Variants in ST6GALNAC5 observed in about 807,000 individuals in gnomAD.
The protein encoded by ST6GALNAC5 is alpha-N-acetylgalactosaminide alpha-2,6-sialyltransferase 5.
A neutral mutation model predicts 33.6 loss-of-function variants in ST6GALNAC5; 27 were observed. The observed-to-expected ratio is 0.80, with a 90% confidence interval of 0.59 to 1.11. The LOEUF is 1.11. ST6GALNAC5 is among the 50% of genes least tolerant of loss of function. The pLI, the probability that ST6GALNAC5 is intolerant of heterozygous loss-of-function variation, is 0.00. For missense variants in ST6GALNAC5, 428 were observed against 454.0 expected (o/e 0.94, Z 0.52); for synonymous variants, 194 against 171.2 (o/e 1.13, Z -1.04).
At chr1:77,054,941 C>A (rs80331024) in intron 4 of ST6GALNAC5, among the ~76,000 whole-genome samples, 5,335 of 152,202 alleles carry the variant, frequency 0.035, 130 homozygotes, top group African/African-American at 0.067. Context: ...TGGCAGATGA[C>A]AGACATATCT....
At chr1:76,887,869 CTAAGA>C (rs1194032219) in intron 2 of ST6GALNAC5, among the ~76,000 whole-genome samples, 1 of 151,930 alleles carries the variant, frequency 6.6e-6, no homozygotes, top group African/African-American at 2.4e-5. Flanking sequence ...TTTTTTCCTC[CTAAGA>C]TTTTTTTTCA....
At chr1:77,024,660 G>C (rs1451574895) in intron 2 of ST6GALNAC5, among the ~76,000 whole-genome samples, 1 of 152,198 alleles carries the variant, frequency 6.6e-6, no homozygotes, top group Non-Finnish European at 1.5e-5. Context: ...GATTTCGCAA[G>C]GGACTTTGAT....
At chr1:76,946,439 A>G (rs556732103) in intron 2 of ST6GALNAC5, among the ~76,000 whole-genome samples, 5 of 152,324 alleles carry the variant, frequency 3.3e-5, no homozygotes, top group Non-Finnish European at 5.9e-5. Flanking sequence ...CCCAATCTGC[A>G]TAATAAGGCT....
chr1:76,951,580 C>A (rs1247821440), intron 2 of ST6GALNAC5, among the ~76,000 whole-genome samples: 1 of 151,868 alleles, frequency 6.6e-6, no homozygotes, highest in Non-Finnish European at 1.5e-5. Flanking sequence ...CACGTGTATA[C>A]CTATGTAACA....
chr1:76,994,174 AT>A (rs1649840147), intron 2 of ST6GALNAC5, among the ~76,000 whole-genome samples: 1 of 152,240 alleles, frequency 6.6e-6, no homozygotes, highest in Admixed American at 6.5e-5. Context: ...GTGATTTAGT[AT>A]TGTCATCTAT....
chr1:76,909,980 T>G (rs1361803038), intron 2 of ST6GALNAC5, among the ~76,000 whole-genome samples: 1 of 152,032 alleles, frequency 6.6e-6, no homozygotes, highest in African/African-American at 2.4e-5. Flanking sequence ...GGTTCTGTAG[T>G]CATAATATGC....
chr1:77,060,639 A>G (rs1652544759), intron 4 of ST6GALNAC5, among the ~76,000 whole-genome samples: 1 of 152,162 alleles, frequency 6.6e-6, no homozygotes, highest in African/African-American at 2.4e-5. Flanking sequence ...AAATCACAGT[A>G]ACCAAATATG....
At chr1:76,923,645 A>T (rs1647056693) in intron 2 of ST6GALNAC5, among the ~76,000 whole-genome samples, 1 of 152,050 alleles carries the variant, frequency 6.6e-6, no homozygotes, top group South Asian at 2.1e-4. Context: ...GTGAGCTGAG[A>T]TTACACCGCT....
At chr1:76,980,645 C>T (rs1456433545) in intron 2 of ST6GALNAC5, among the ~76,000 whole-genome samples, 1 of 152,064 alleles carries the variant, frequency 6.6e-6, no homozygotes, top group Non-Finnish European at 1.5e-5. Context: ...TCAACAAATG[C>T]TACCTGGACA....
chr1:76,904,001 A>G (rs1646841383), intron 2 of ST6GALNAC5, among the ~76,000 whole-genome samples: 1 of 152,214 alleles, frequency 6.6e-6, no homozygotes, highest in Non-Finnish European at 1.5e-5. Flanking sequence ...TGAGTAAATT[A>G]AAACCATCCA....
At chr1:77,049,714 T>C (rs551079415) in intron 3 of ST6GALNAC5, among the ~76,000 whole-genome samples, 28 of 152,342 alleles carry the variant, frequency 1.8e-4, no homozygotes, top group Non-Finnish European at 3.5e-4. Context: ...GAGTGTACCC[T>C]TCTTACGGAA....
intron 2 of ST6GALNAC5, among the ~76,000 whole-genome samples, chr1:77,015,666 G>C (rs1378442544): frequency 6.6e-6 from 1 of 152,126 alleles, no homozygotes; most frequent in Non-Finnish European, 1.5e-5. Context: ...TGGGGGTTCA[G>C]AGGAGGGGCA....
In ST6GALNAC5 at chr1:77,044,495, G is replaced by C; in HGVS notation, c.553G>C (p.Val185Leu). The stretch of plus-strand genomic sequence containing the variant: ...CATGCGGCGGGACGGCAAGGGCCAG[G>C]TCTACAACAACCTGCATCTCCTGAG... ...SYMRRDGKGQ[V>L]YNNLHLLSQV... Residue 185 changes from valine to leucine, a missense_variant, in exon 3 of 5, where the codon GTC (valine) becomes CTC (leucine). Transcript: ENST00000477717. The C allele has an allele frequency of 6.2e-7, 1 of 1,613,324 alleles. No homozygotes were observed. The highest frequency in any genetic ancestry group is 8.5e-7 in the Non-Finnish European group (1 of 1,179,730).
intron 2 of ST6GALNAC5, among the ~76,000 whole-genome samples, chr1:76,934,674 A>T (rs927759978): frequency 6.6e-6 from 1 of 152,010 alleles, no homozygotes; most frequent in Non-Finnish European, 1.5e-5. Context: ...CCTGCATGCT[A>T]AAACCTGCCG....
At chr1:76,899,093 A>G (rs769578720) in intron 2 of ST6GALNAC5, among the ~76,000 whole-genome samples, 34 of 152,204 alleles carry the variant, frequency 2.2e-4, no homozygotes, top group Non-Finnish European at 5.9e-5. Context: ...GGAAAAATTG[A>G]AAGTGCCATT....
intron 2 of ST6GALNAC5, among the ~76,000 whole-genome samples, chr1:76,952,712 T>A (rs1038663428): frequency 6.6e-6 from 1 of 151,938 alleles, no homozygotes; most frequent in African/African-American, 2.4e-5. Context: ...TTTAAAAAAT[T>A]AAAAATAATT....
intron 2 of ST6GALNAC5, among the ~76,000 whole-genome samples, chr1:76,966,608 G>A (rs188043839): frequency 1.4e-3 from 215 of 152,172 alleles, no homozygotes; most frequent in Non-Finnish European, 2.3e-3. Context: ...TTGCCTGATT[G>A]CCCTGGCCAG....
chr1:77,031,986 T>C (rs1355503885), intron 2 of ST6GALNAC5, among the ~76,000 whole-genome samples: 2 of 152,210 alleles, frequency 1.3e-5, no homozygotes. Context: ...GAGAAAGTGA[T>C]GCTTTGAATG....
intron 2 of ST6GALNAC5, among the ~76,000 whole-genome samples, chr1:77,018,102 A>G (rs1650917615): frequency 6.6e-6 from 1 of 152,194 alleles, no homozygotes; most frequent in Non-Finnish European, 1.5e-5. Context: ...GTTCTCTTCC[A>G]TTAGGCAACT....
Sources: allele counts gnomAD v4.1 joint callset (sites outside exome capture counted in the v4.1 genomes callset), GRCh38; gene constraint gnomAD v4.1.1; transcripts MANE v1.5; gene names NCBI Gene and HGNC (gene_info 2026-07-23, HGNC 2026-07-21).